The following VPS13B variants were observed in gnomAD, a reference collection of about 807,000 sequenced individuals.
VPS13B encodes vacuolar protein sorting 13 homolog B.
Under a neutral mutation model 426.4 loss-of-function variants are expected in VPS13B, and 285 were observed. That is an observed-to-expected ratio of 0.67 (90% confidence interval 0.61 to 0.74). The LOEUF (loss-of-function observed/expected upper bound fraction) is 0.74. VPS13B is among the 30% of genes least tolerant of loss of function. The pLI is 0.00. For missense variants in VPS13B, 4,537 were observed against 4,782.6 expected (o/e 0.95, Z 1.51); for synonymous variants, 1,676 against 1,676.4 (o/e 1.00, Z 0.01).
intron 43 of VPS13B, among the ~76,000 whole-genome samples, chr8:99,803,509 T>G (rs573997262): frequency 6.6e-6 from 1 of 152,316 alleles, no homozygotes; most frequent in Admixed American, 6.5e-5. Context: ...AAAATAAAAT[T>G]CAGTTGTATT....
At chr8:99,018,362 G>A (rs1243774523) in intron 2 of VPS13B, among the ~76,000 whole-genome samples, 1 of 152,184 alleles carries the variant, frequency 6.6e-6, no homozygotes, top group Non-Finnish European at 1.5e-5. Flanking sequence ...CTCCAGCCTG[G>A]GCGACAGAGT....
At chr8:99,418,376 A>T (rs1288279663) in intron 21 of VPS13B, among the ~76,000 whole-genome samples, 2 of 149,844 alleles carry the variant, frequency 1.3e-5, no homozygotes, top group Non-Finnish European at 3.0e-5. Context: ...AAACTATACC[A>T]TATAGCAATA....
chr8:99,406,199 A>G (rs1383137884), intron 21 of VPS13B, among the ~76,000 whole-genome samples: 1 of 151,704 alleles, frequency 6.6e-6, no homozygotes, highest in Non-Finnish European at 1.5e-5. Flanking sequence ...TATCCTTAGA[A>G]CACTTATCAT....
chr8:99,680,954 T>A (rs1461494813), intron 35 of VPS13B, among the ~76,000 whole-genome samples: 1 of 152,200 alleles, frequency 6.6e-6, no homozygotes, highest in Non-Finnish European at 1.5e-5. Context: ...TTTAAAAGTA[T>A]CAAAAAACAA....
At chr8:99,387,547 A>G (rs1265429908) in intron 20 of VPS13B, among the ~76,000 whole-genome samples, 1 of 152,138 alleles carries the variant, frequency 6.6e-6, no homozygotes, top group African/African-American at 2.4e-5. Flanking sequence ...ACAGCAGTTG[A>G]TAGCATTGTT....
At chr8:99,594,927 A>C (rs1348057995) in intron 33 of VPS13B, among the ~76,000 whole-genome samples, 1 of 152,008 alleles carries the variant, frequency 6.6e-6, no homozygotes, top group Non-Finnish European at 1.5e-5. Flanking sequence ...GAAATCAGTT[A>C]GGACTGTTAT....
chr8:99,456,887 T>A (rs1455498576), intron 23 of VPS13B, among the ~76,000 whole-genome samples: 1 of 152,196 alleles, frequency 6.6e-6, no homozygotes, highest in East Asian at 1.9e-4. Context: ...CCTTAAATGT[T>A]TGATACAGTT....
chr8:99,596,849 T>A (rs1827042668), intron 33 of VPS13B, among the ~76,000 whole-genome samples: 1 of 151,986 alleles, frequency 6.6e-6, no homozygotes. Context: ...CTGCTAAAAA[T>A]TATTCTACTA....
chr8:99,618,990 C>T (rs1828230961), intron 33 of VPS13B, among the ~76,000 whole-genome samples: 1 of 152,108 alleles, frequency 6.6e-6, no homozygotes, highest in South Asian at 2.1e-4. Flanking sequence ...TTGGTTTCAT[C>T]CTAGGCTGCT....
At chr8:99,385,759 A>T (rs1483597096) in intron 20 of VPS13B, among the ~76,000 whole-genome samples, 1 of 152,208 alleles carries the variant, frequency 6.6e-6, no homozygotes, top group African/African-American at 2.4e-5. Context: ...TGTGAAAAGG[A>T]GGAATTAACA....
intron 5 of VPS13B, among the ~76,000 whole-genome samples, chr8:99,105,156 G>A (rs1846975714): frequency 6.6e-6 from 1 of 152,154 alleles, no homozygotes; most frequent in Non-Finnish European, 1.5e-5. Context: ...CAAAAGGAGA[G>A]TAGTCCTGAT....
intron 61 of VPS13B, among the ~76,000 whole-genome samples, chr8:99,874,493 C>T (rs1373442871): frequency 6.6e-6 from 1 of 152,170 alleles, no homozygotes; most frequent in African/African-American, 2.4e-5. Flanking sequence ...GGACCACACG[C>T]AGAACTAGAA....
chr8:99,860,488 T>A (rs1204379970), intron 57 of VPS13B, among the ~76,000 whole-genome samples: 1 of 152,240 alleles, frequency 6.6e-6, no homozygotes, highest in African/African-American at 2.4e-5. Context: ...AACTAACACC[T>A]GCTAAATTGA....
Position 99,735,995 on chromosome 8 carries a change from T to G in VPS13B, c.7050+14948T>G, listed in dbSNP as rs548236879. On this transcript the variant is annotated intron_variant, in intron 39 of 61. Coordinates refer to ENST00000357162, the MANE Select transcript of VPS13B (RefSeq NM_152564.5). The stretch of plus-strand genomic sequence containing the variant: ...GCTTGGGTCGCAGTGGGCTTAATTG[T>G]TTGAAATCCTCAATACACTGTTAAG... Among the ~76,000 whole-genome samples the G allele has an allele frequency of 2.6e-5, 4 of 152,278 alleles. No homozygotes were observed. In the East Asian group the frequency reaches 7.7e-4, roughly 29 times the overall value.
intron 20 of VPS13B, among the ~76,000 whole-genome samples, chr8:99,386,294 A>T (rs1814118856): frequency 6.6e-6 from 1 of 152,216 alleles, no homozygotes; most frequent in Non-Finnish European, 1.5e-5. Flanking sequence ...AAAAATTATA[A>T]CTTTTAAAAT....
At chr8:99,797,342 C>T (rs372499133) in intron 43 of VPS13B, among the ~76,000 whole-genome samples, 11 of 151,884 alleles carry the variant, frequency 7.2e-5, no homozygotes, top group East Asian at 5.8e-4. Context: ...GGGGCTCAAG[C>T]GATCCTCCTA....
At chr8:99,330,426 C>A (rs1810489043) in intron 19 of VPS13B, among the ~76,000 whole-genome samples, 1 of 151,692 alleles carries the variant, frequency 6.6e-6, no homozygotes, top group Non-Finnish European at 1.5e-5. Context: ...GAATAAAGAA[C>A]CAGAGTCAGA....
At position 99,474,547 on chromosome 8, in the gene VPS13B, A is replaced by G. The variant is rs538404863; in HGVS notation, c.3666+6913A>G. On this transcript the variant is annotated intron_variant, in intron 24 of 61. Coordinates refer to ENST00000357162, the MANE Select transcript of VPS13B (RefSeq NM_152564.5). Reference sequence around the variant, plus strand: ...CAATAAATGATAAACATAAAGACAAATAATGGGGAAAAGACTTGAGCAGAT... The same window carrying G: ...CAATAAATGATAAACATAAAGACAAGTAATGGGGAAAAGACTTGAGCAGAT... Among the ~76,000 whole-genome samples the G allele has an allele frequency of 2.0e-5, 3 of 152,320 alleles. No homozygotes were observed. In the East Asian group the frequency reaches 5.8e-4, roughly 29 times the overall value.
chr8:99,374,928 C>G (rs1322490528), intron 19 of VPS13B, among the ~76,000 whole-genome samples: 2 of 152,140 alleles, frequency 1.3e-5, no homozygotes, highest in Non-Finnish European at 2.9e-5. Flanking sequence ...TTCTTTCTAC[C>G]AGACACAGAT....
Sources: gnomAD v4.1 joint callset for allele counts (sites outside exome capture counted in the v4.1 genomes callset) on GRCh38, gnomAD v4.1.1 for gene constraint, MANE v1.5 for transcripts, NCBI Gene and HGNC (gene_info 2026-07-23, HGNC 2026-07-21) for gene names.